STARD3: variants seen among roughly 807,000 people sequenced by gnomAD.
The protein encoded by STARD3 is StAR related lipid transfer domain containing 3.
A neutral mutation model predicts 62.0 loss-of-function variants in STARD3; 39 were observed. That is an observed-to-expected ratio of 0.63 (90% confidence interval 0.49 to 0.82). STARD3 has a LOEUF of 0.82. STARD3 is among the 40% of genes least tolerant of loss of function. STARD3 has a pLI of 0.00. For synonymous variants in STARD3, 229 were observed against 242.4 expected, an observed-to-expected ratio of 0.94 and a Z score of 0.51; for missense variants, 543 against 584.5, an observed-to-expected ratio of 0.93 and a Z score of 0.73.
At chr17:39,662,592 C>G in intron 14 of STARD3, 1 of 631,476 alleles carries the variant, frequency 1.6e-6, no homozygotes, top group Admixed American at 3.0e-5. Context: ...GGTGGCCAGC[C>G]CGGCCCCACC....
In STARD3 at chr17:39,660,984, CTTCG is replaced by C; in HGVS notation, c.1040_1043del (p.Phe347Ter). 6.2e-7 allele frequency: 1 copy of C among 1,613,770 alleles called. No individual in the cohort carries two copies. Among genetic ancestry groups the C allele is most frequent in the East Asian group, 2.2e-5 (1 of 44,882 alleles). The stretch of plus-strand genomic sequence containing the variant: ...GAACTAACCCTCCCTCCCGCAGGGA[CTTCG>C]TGAATGTCCGGCGCATTGAGCGGCG... On this transcript the variant is annotated frameshift_variant, in exon 13 of 15. Coordinates refer to ENST00000336308, the MANE Select transcript of STARD3 (RefSeq NM_006804.4). LOFTEE classifies it high-confidence loss of function. This position sits in a 1 kb window ranked among gnomAD's most constrained non-coding sequence, Gnocchi z 4.8.
Position 39,659,112 on chromosome 17 carries a change from T to A in STARD3, c.702+6T>A, listed in dbSNP as rs1375090596. 1 of 1,614,230 alleles carries A rather than the reference T, an allele frequency of 6.2e-7. No homozygotes were observed. Among genetic ancestry groups the A allele is most frequent in the East Asian group, 2.2e-5 (1 of 44,888 alleles). ...AGAAAAGTTTCTCTGCTCAGGTATT[T>A]GCCTGCCTACCCCTAACCCCTGCCC... On this transcript the variant is annotated splice_donor_region_variant and intron_variant, in intron 8 of 14. Transcript: ENST00000336308.
chr17:39,662,210 A>C, intron 13 of STARD3, 41 bp from the exon 14 acceptor site: 1 of 1,584,204 alleles, frequency 6.3e-7, no homozygotes, highest in Non-Finnish European at 8.6e-7. Flanking sequence ...TCAGGGCCTC[A>C]CTCTGTTCCA....
Position 39,653,463 on chromosome 17 carries a change from C to A in STARD3, c.-51-18C>A. The A allele has an allele frequency of 6.6e-7, 1 of 1,525,998 alleles. No homozygotes were observed. Among genetic ancestry groups the A allele is most frequent in the Non-Finnish European group, 8.9e-7 (1 of 1,129,326 alleles). The allele number at this position is 1,525,998 out of a possible 1,614,324, so 94.5% of individuals were successfully genotyped here. On this transcript the variant is annotated intron_variant, in intron 1 of 14. Coordinates refer to ENST00000336308, the MANE Select transcript of STARD3 (RefSeq NM_006804.4). ...ACAGGAGGAGTTTGACAGGACTCTG[C>A]CTCTGCCTCGCCCCCAGCCCTGCTG...
At chr17:39,648,830 C>T (rs548291210) in intron 1 of STARD3, among the ~76,000 whole-genome samples, 4 of 152,330 alleles carry the variant, frequency 2.6e-5, no homozygotes, top group African/African-American at 7.2e-5. Context: ...TCGACAGGGA[C>T]GTCTGGGCAT....
chr17:39,650,136 G>C (rs111245383), intron 1 of STARD3, among the ~76,000 whole-genome samples: 1,634 of 152,262 alleles, frequency 0.011, 14 homozygotes, highest in Middle Eastern at 0.02. Context: ...ACCTCAGAAT[G>C]TGATCTTATT....
intron 2 of STARD3, among the ~76,000 whole-genome samples, chr17:39,654,491 G>C (rs1490519402): frequency 6.6e-6 from 1 of 152,192 alleles, no homozygotes; most frequent in Non-Finnish European, 1.5e-5. Context: ...AGATGCTGCC[G>C]GGCAGCCTGG....
chr17:39,655,422 G>T (rs1489088042), intron 2 of STARD3, among the ~76,000 whole-genome samples: 1 of 151,724 alleles, frequency 6.6e-6, no homozygotes, highest in African/African-American at 2.4e-5. Flanking sequence ...GGGCTCAAGT[G>T]ATCCTCCCAT....
In STARD3 at chr17:39,662,907, G is replaced by T. The variant is rs1157755704; in HGVS notation, c.1337G>T (p.Ter446LeuextTer51). ...ATCAGCGAGCTGGGGGCCCGGGCGT[G>T]ACTGTGCCCCCTCCCACCCTGCGGG... is the stretch of plus-strand genomic sequence containing the variant. The part of the protein sequence containing the change: ...QRISELGARA[*>L] The change falls in exon 15 of 15, where the codon TGA (stop) becomes TTA (leucine). Residue 446 changes from the stop codon to leucine (L), a stop_lost. Transcript: ENST00000336308. 6.2e-7 allele frequency: 1 copy of T among 1,610,118 alleles called. No homozygotes were observed.
chr17:39,659,811 G>A (rs1007244107), intron 9 of STARD3: 2 of 509,196 alleles, frequency 3.9e-6, no homozygotes, highest in Non-Finnish European at 7.1e-6. Context: ...CTTTGAAGGG[G>A]AAGCCAGGCT....
intron 3 of STARD3, among the ~76,000 whole-genome samples, 170 bp downstream of exon 3, chr17:39,657,255 G>A (rs557159962): frequency 8.9e-4 from 135 of 152,290 alleles, no homozygotes; most frequent in African/African-American, 3.1e-3. Context: ...GCTGGGCGCA[G>A]TGGCTCACGC....
intron 1 of STARD3, among the ~76,000 whole-genome samples, chr17:39,641,473 C>A (rs9913626): frequency 0.05 from 7,529 of 151,896 alleles, 300 homozygotes; most frequent in African/African-American, 0.11. Context: ...AAAAAAGTGT[C>A]ATTCTGGGTC....
intron 1 of STARD3, among the ~76,000 whole-genome samples, chr17:39,647,543 C>T (rs937832617): frequency 1.3e-5 from 2 of 152,222 alleles, no homozygotes; most frequent in Non-Finnish European, 2.9e-5. Flanking sequence ...AGGCAGCCTA[C>T]AGTCAGCCAG....
chr17:39,661,618 G>A (rs1039706945), intron 13 of STARD3, among the ~76,000 whole-genome samples: 3 of 152,132 alleles, frequency 2.0e-5, no homozygotes, highest in African/African-American at 7.2e-5. Context: ...GTGGTGCTGC[G>A]GGTGGCCCCC....
chr17:39,637,594 A>C (rs999979876), intron 1 of STARD3: 6 of 152,158 alleles, frequency 3.9e-5, no homozygotes, highest in Admixed American at 6.5e-5. Context: ...ACATCTACGC[A>C]TTCCGGTAGC....
chr17:39,659,030 A>G, intron 7 of STARD3, 21 bp from the exon 8 acceptor site: 1 of 1,613,770 alleles, frequency 6.2e-7, no homozygotes, highest in Non-Finnish European at 8.5e-7. Flanking sequence ...TGCCATTGTC[A>G]TCTGTGCCTG....
At chr17:39,643,794 A>G (rs2057001222) in intron 1 of STARD3, among the ~76,000 whole-genome samples, 1 of 152,244 alleles carries the variant, frequency 6.6e-6, no homozygotes, top group African/African-American at 2.4e-5. Flanking sequence ...AGAGCAGGAA[A>G]GTAATCCCAG....
At chr17:39,642,814 A>G (rs1257780801) in intron 1 of STARD3, among the ~76,000 whole-genome samples, 1 of 152,154 alleles carries the variant, frequency 6.6e-6, no homozygotes, top group Non-Finnish European at 1.5e-5. Flanking sequence ...AGAGCAAGTC[A>G]TGCAAAGACC....
At position 39,660,353 on chromosome 17, in the gene STARD3, G is replaced by A. The variant is rs1292214646; in HGVS notation, c.859-78G>A. ...AAGGTGCCGAGGGGCCCTCTGGTGGGTGCCCCCCACCAAGAGGGAAGGGTT... is the reference window on the plus strand; with the variant it reads ...AAGGTGCCGAGGGGCCCTCTGGTGGATGCCCCCCACCAAGAGGGAAGGGTT... On this transcript the variant is annotated intron_variant, in intron 10 of 14. Transcript: ENST00000336308. The surrounding 1 kb of genome is among the most constrained non-coding windows in gnomAD (Gnocchi z 4.8). 1.2e-6 allele frequency: 2 copies of A among 1,611,322 alleles called. No individual in the cohort carries two copies. Among genetic ancestry groups the A allele is most frequent in the Admixed American group, 1.7e-5 (1 of 60,000 alleles).
Sources: allele counts gnomAD v4.1 joint callset (sites outside exome capture counted in the v4.1 genomes callset), GRCh38; gene constraint gnomAD v4.1.1; non-coding constraint Gnocchi (gnomAD v3.1); transcripts MANE v1.5; gene names NCBI Gene and HGNC (gene_info 2026-07-23, HGNC 2026-07-21).